Variants in ZNF787 observed in about 807,000 individuals in gnomAD.
ZNF787 encodes the protein zinc finger protein 787, also known as TTF-I-interacting peptide 20.
ZNF787 carries 7 observed loss-of-function variants against 16.9 expected under a neutral mutation model. That is an observed-to-expected ratio of 0.42 (90% CI 0.24 to 0.78). The LOEUF (loss-of-function observed/expected upper bound fraction) is 0.78, where lower values mean the gene tolerates loss of function less well. Ranked by LOEUF, ZNF787 falls within the 30% of genes least tolerant of loss-of-function variation. The pLI, the probability that ZNF787 is intolerant of heterozygous loss-of-function variation, is 0.30. For synonymous variants in ZNF787, 345 were observed against 270.9 expected (o/e 1.27, Z -2.69); for missense variants, 551 against 589.3 (o/e 0.94, Z 0.67).
chr19:56,106,307 G>T (rs1986311046), intron 1 of ZNF787, among the ~76,000 whole-genome samples: 1 of 152,206 alleles, frequency 6.6e-6, no homozygotes, highest in South Asian at 2.1e-4. Flanking sequence ...ACTGTACGGC[G>T]GCCACAGTGG....
rs1985356608 is a variant in ZNF787 at position 56,087,880 on chromosome 19, A to C, written c.*143T>G. 11 of 1,235,510 alleles carry C rather than the reference A, an allele frequency of 8.9e-6. 1 individual carries two copies. In the East Asian group the frequency reaches 4.0e-4, roughly 45 times the overall value. The allele number at this position is 1,235,510 out of a possible 1,614,324, so 76.5% of individuals were successfully genotyped here. ...CCCAGTGCCCCCCCACGGACGGCGC[A>C]GGGACAGAGGAGGGCGGGGAGCCGG... is the stretch of plus-strand genomic sequence containing the variant. On this transcript the variant is annotated 3_prime_UTR_variant, in exon 3 of 3. Transcript: ENST00000610935.
At chr19:56,091,896 T>TGCCGCAGCCGCA (rs796616298) in intron 2 of ZNF787, among the ~76,000 whole-genome samples, 2 of 142,738 alleles carry the variant, frequency 1.4e-5, no homozygotes, top group Admixed American at 6.9e-5. Context: ...CCGCTCCACT[T>TGCCGCAGCCGCA]GCCGCAGCCG....
At chr19:56,102,910 G>A (rs1276720248) in intron 2 of ZNF787, 1 of 705,064 alleles carries the variant, frequency 1.4e-6, no homozygotes, top group Non-Finnish European at 2.6e-6. Flanking sequence ...TGGCCCCCAG[G>A]GGTCCCCAAG....
chr19:56,088,283 C>G lies in ZNF787; in HGVS notation c.889G>C (p.Ala297Pro). The change falls in exon 3 of 3, where the codon GCG (alanine) becomes CCG (proline). Residue 297 changes from alanine to proline, a missense_variant. Around this residue, in one of 4 missense-constraint regions of ZNF787, gnomAD observed 392 missense variants for 312.7 expected, o/e 1.25. Transcript: ENST00000610935. The surrounding 1 kb of genome is among the most constrained non-coding windows in gnomAD (Gnocchi z 8.6). ...KGFGHGAGLLAHQRAQHGDGL... is the reference protein window; with the variant it reads ...KGFGHGAGLLPHQRAQHGDGL... ...TCCCCGTGCTGGGCCCGCTGGTGCG[C>G]CAGGAGCCCGGCCCCGTGCCCGAAG... 1 of 1,389,748 alleles carries G rather than the reference C, an allele frequency of 7.2e-7. No individual in the cohort carries two copies. The highest frequency in any genetic ancestry group is 1.5e-5 in the African/African-American group (1 of 64,950). The allele number at this position is 1,389,748 out of a possible 1,614,324, so 86.1% of individuals were successfully genotyped here. A position where few individuals can be genotyped will look rare whatever the true frequency, so the allele number is the denominator to read the frequency against.
intron 1 of ZNF787, among the ~76,000 whole-genome samples, chr19:56,111,486 C>T (rs2029978230): frequency 6.6e-6 from 1 of 152,128 alleles, no homozygotes; most frequent in Non-Finnish European, 1.5e-5. Context: ...ACACAAAACA[C>T]CCTGGCCGAC....
chr19:56,113,554 C>A (rs957624878), intron 1 of ZNF787, among the ~76,000 whole-genome samples: 1 of 152,150 alleles, frequency 6.6e-6, no homozygotes, highest in Non-Finnish European at 1.5e-5. Context: ...TCAGCTGTGA[C>A]AGGGATGACC....
At chr19:56,113,418 C>T (rs887323879) in intron 1 of ZNF787, among the ~76,000 whole-genome samples, 3 of 152,212 alleles carry the variant, frequency 2.0e-5, no homozygotes, top group Non-Finnish European at 4.4e-5. Flanking sequence ...AATCTGCACA[C>T]GAATGTTCAC....
chr19:56,103,573 G>C (rs1010192051), intron 1 of ZNF787: 1 of 307,592 alleles, frequency 3.3e-6, no homozygotes, highest in African/African-American at 2.2e-5. Context: ...TCACTGGCAA[G>C]ATGGAGAACA....
chr19:56,097,710 AC>A (rs1332356224), intron 2 of ZNF787, among the ~76,000 whole-genome samples: 1 of 152,038 alleles, frequency 6.6e-6, no homozygotes, highest in African/African-American at 2.4e-5. Context: ...GGGATCAACT[AC>A]CCCCGGCCCT....
At chr19:56,100,465 C>G (rs577158412) in intron 2 of ZNF787, among the ~76,000 whole-genome samples, 67 of 152,328 alleles carry the variant, frequency 4.4e-4, no homozygotes, top group Non-Finnish European at 7.8e-4. Flanking sequence ...GCAGAAGAGG[C>G]TGGGGCCAGG....
intron 1 of ZNF787, among the ~76,000 whole-genome samples, chr19:56,114,296 C>G (rs1016102115): frequency 3.9e-5 from 6 of 152,048 alleles, no homozygotes; most frequent in African/African-American, 1.4e-4. Flanking sequence ...CACTCCTCCA[C>G]TTGCCCCGGC....
intron 2 of ZNF787, among the ~76,000 whole-genome samples, chr19:56,089,408 G>C (rs1252966950): frequency 1.3e-5 from 2 of 152,110 alleles, no homozygotes; most frequent in Admixed American, 6.5e-5. Context: ...TCCACGGAAG[G>C]CTCCCAGAAA....
chr19:56,087,479 G>C lies in ZNF787; in HGVS notation c.*544C>G, dbSNP rs1402895547. On this transcript the variant is annotated 3_prime_UTR_variant, in exon 3 of 3. Transcript: ENST00000610935. Reference sequence around the variant, plus strand: ...GCTGCCTCTGCTACCCGGAATCCAGGAGGGGAAGGAACGACTCGAGCTCTA... The same window carrying C: ...GCTGCCTCTGCTACCCGGAATCCAGCAGGGGAAGGAACGACTCGAGCTCTA... 6.6e-6 allele frequency: 1 copy of C among 152,308 alleles called. No individual in the cohort carries two copies. Among genetic ancestry groups the C allele is most frequent in the Admixed American group, 6.5e-5 (1 of 15,286 alleles). 9.4% of individuals were successfully genotyped at this position (152,308 alleles called of 1,614,324 possible). A position where few individuals can be genotyped will look rare whatever the true frequency, so the allele number is the denominator to read the frequency against.
intron 2 of ZNF787, 126 bp from the exon 3 acceptor site, chr19:56,089,218 A>G (rs368907577): frequency 7.0e-6 from 4 of 571,352 alleles, no homozygotes; most frequent in Non-Finnish European, 1.1e-5. Context: ...GTGTCCTCAG[A>G]GTGTGCATCA....
intron 2 of ZNF787, chr19:56,102,902 GC>G (rs1328268647): frequency 1.4e-6 from 1 of 703,876 alleles, no homozygotes; most frequent in East Asian, 2.7e-5. Flanking sequence ...AGAGAAGGTG[GC>G]CCCCAGGGGT....
At chr19:56,115,733 G>T (rs1051610738) in intron 1 of ZNF787, among the ~76,000 whole-genome samples, 1 of 152,112 alleles carries the variant, frequency 6.6e-6, no homozygotes, top group African/African-American at 2.4e-5. Context: ...ACAGCTCACG[G>T]CCCCAGCCAC....
At chr19:56,091,936 G>GAAGCCA (rs869290720) in intron 2 of ZNF787, among the ~76,000 whole-genome samples, 1 of 137,350 alleles carries the variant, frequency 7.3e-6, no homozygotes, top group Non-Finnish European at 1.5e-5. Context: ...AGCCGAAGCC[G>GAAGCCA]AAGCCAAAGC....
intron 2 of ZNF787, among the ~76,000 whole-genome samples, chr19:56,099,916 CAG>C (rs909293503): frequency 2.3e-4 from 35 of 152,222 alleles, no homozygotes; most frequent in African/African-American, 8.2e-4. Flanking sequence ...GACACCTTCA[CAG>C]GGTTCTGAGC....
At chr19:56,094,471 G>A (rs916999496) in intron 2 of ZNF787, among the ~76,000 whole-genome samples, 9 of 141,528 alleles carry the variant, frequency 6.4e-5, no homozygotes, top group Non-Finnish European at 9.4e-5. Flanking sequence ...ACCACGCCCC[G>A]CCTTTTTTTT....
Sources: allele counts gnomAD v4.1 joint callset (sites outside exome capture counted in the v4.1 genomes callset), GRCh38; gene constraint gnomAD v4.1.1; regional missense constraint gnomAD v4.1.1; non-coding constraint Gnocchi (gnomAD v3.1); transcripts MANE v1.5; gene names NCBI Gene and HGNC (gene_info 2026-07-23, HGNC 2026-07-21).